Variants in LMX1B observed in about 807,000 individuals in gnomAD.
LMX1B encodes the protein LIM homeobox transcription factor 1-beta.
In LMX1B, 12 loss-of-function variants were observed where a neutral mutation model predicts 51.4. That is an observed-to-expected ratio of 0.23 (90% CI 0.15 to 0.38). LMX1B has a LOEUF of 0.38. Among genes scored for constraint, LMX1B ranks in the 10% least tolerant of loss-of-function variants. The pLI is 1.00. For missense variants in LMX1B, 445 were observed against 571.1 expected (o/e 0.78, Z 2.25); for synonymous variants, 237 against 235.4 (o/e 1.01, Z -0.06).
chr9:126,675,608 C>T (rs1256029434), intron 2 of LMX1B, among the ~76,000 whole-genome samples: 1 of 151,420 alleles, frequency 6.6e-6, no homozygotes, highest in Non-Finnish European at 1.5e-5. Flanking sequence ...GCCTGTAATC[C>T]CAGCTACTCA....
At chr9:126,686,050 C>CT (rs1836760653) in intron 2 of LMX1B, among the ~76,000 whole-genome samples, 1 of 152,130 alleles carries the variant, frequency 6.6e-6, no homozygotes, top group African/African-American at 2.4e-5. Context: ...CCCTGTGTGT[C>CT]TCTGCAGCTG....
At chr9:126,632,477 G>A (rs1008240582) in intron 2 of LMX1B, among the ~76,000 whole-genome samples, 6 of 152,206 alleles carry the variant, frequency 3.9e-5, no homozygotes, top group African/African-American at 1.2e-4. Flanking sequence ...GCCTGTGGCT[G>A]TGCTCGGGCG....
intron 2 of LMX1B, among the ~76,000 whole-genome samples, chr9:126,653,503 G>A (rs1836059118): frequency 6.6e-6 from 1 of 152,024 alleles, no homozygotes; most frequent in Non-Finnish European, 1.5e-5. Flanking sequence ...GATAATTGTA[G>A]ATTCATAGGC....
At chr9:126,663,263 C>G (rs1238250248) in intron 2 of LMX1B, among the ~76,000 whole-genome samples, 1 of 151,866 alleles carries the variant, frequency 6.6e-6, no homozygotes, top group Non-Finnish European at 1.5e-5. Context: ...CCCATCTCTA[C>G]TAAAAATACA....
At chr9:126,633,131 G>A (rs1312148320) in intron 2 of LMX1B, among the ~76,000 whole-genome samples, 3 of 152,166 alleles carry the variant, frequency 2.0e-5, no homozygotes, top group Non-Finnish European at 4.4e-5. Context: ...AAGAGTCACC[G>A]GTTTCATGGA....
At chr9:126,662,141 T>C (rs1425385750) in intron 2 of LMX1B, among the ~76,000 whole-genome samples, 3 of 152,194 alleles carry the variant, frequency 2.0e-5, no homozygotes, top group Non-Finnish European at 2.9e-5. Context: ...CTTTGCTGTT[T>C]GCCCGCTGTG....
At position 126,619,767 on chromosome 9, in the gene LMX1B, T is replaced by TC. The variant is rs547735826; in HGVS notation, c.326+4202dup. 1.9e-4 allele frequency among the ~76,000 whole-genome samples: 29 copies of TC among 152,226 alleles called. No individual in the cohort carries two copies. The South Asian group carries it at 5.8e-3, about 31-fold the overall frequency. The stretch of plus-strand genomic sequence containing the variant: ...CAGTGACTCCTGGCTCACCCTCGAC[T>TC]CCCCGGGCGCTGGGCTGGTGTGGCC... On this transcript the variant is annotated intron_variant, in intron 2 of 7. Transcript: ENST00000373474.
chr9:126,637,612 G>A (rs1250139182), intron 2 of LMX1B, among the ~76,000 whole-genome samples: 2 of 152,094 alleles, frequency 1.3e-5, no homozygotes, highest in Non-Finnish European at 2.9e-5. Flanking sequence ...GTGCACCTGT[G>A]TCACTGTGGG....
In LMX1B at chr9:126,695,761, A is replaced by G. The variant is rs1480859609; in HGVS notation, c.887-78A>G. 25 of 1,551,728 alleles carry G rather than the reference A, an allele frequency of 1.6e-5. No homozygotes were observed. The highest frequency in any genetic ancestry group is 2.1e-5 in the Non-Finnish European group (24 of 1,134,064). ...GGGGTGCCTGGGGAGTCCCAAGGAG[A>G]TCAGAAGGGGAGGCTGCTGGGGTGT... On this transcript the variant is annotated intron_variant, in intron 6 of 7. Coordinates refer to ENST00000373474, the MANE Select transcript of LMX1B (RefSeq NM_001174147.2). This position sits in a 1 kb window ranked among gnomAD's most constrained non-coding sequence, Gnocchi z 5.2.
At chr9:126,650,907 C>T (rs866128344) in intron 2 of LMX1B, among the ~76,000 whole-genome samples, 1 of 152,354 alleles carries the variant, frequency 6.6e-6, no homozygotes, top group Non-Finnish European at 1.5e-5. Context: ...TTTATGGCCC[C>T]TCCTCCCCGG....
intron 2 of LMX1B, among the ~76,000 whole-genome samples, chr9:126,674,516 G>A (rs925174152): frequency 6.6e-6 from 1 of 152,200 alleles, no homozygotes; most frequent in African/African-American, 2.4e-5. Context: ...AGAGCCTGGT[G>A]TGGGGAGATC....
chr9:126,689,025 C>T lies in LMX1B; in HGVS notation c.327-1811C>T, dbSNP rs916087758. Among the ~76,000 whole-genome samples, 14 of 152,324 alleles carry T rather than the reference C, an allele frequency of 9.2e-5. No individual in the cohort carries two copies. In the East Asian group the frequency reaches 2.7e-3, roughly 29 times the overall value. Reference sequence around the variant, plus strand: ...ACAGCCTTCAGGAAGGGCTTGACATCTCCATTTTACAGGAGTAAACTGAGG... The same window carrying T: ...ACAGCCTTCAGGAAGGGCTTGACATTTCCATTTTACAGGAGTAAACTGAGG... On this transcript the variant is annotated intron_variant, in intron 2 of 7. Coordinates refer to ENST00000373474, the MANE Select transcript of LMX1B (RefSeq NM_001174147.2).
chr9:126,667,580 G>C (rs544424204), intron 2 of LMX1B, among the ~76,000 whole-genome samples: 3 of 152,384 alleles, frequency 2.0e-5, no homozygotes, highest in African/African-American at 7.2e-5. Context: ...GAGAGGCTGG[G>C]AGCTTGAGGG....
Position 126,697,002 on chromosome 9 carries a change from C to A in LMX1B, c.*551C>A, listed in dbSNP as rs762152428. ...AGGGGAGGCACTGTCAGGAGGCGGG[C>A]TCGGAGCCTGAGCCTGGGCAGGCGC... On this transcript the variant is annotated 3_prime_UTR_variant, in exon 8 of 8. Transcript: ENST00000373474. 21 of 173,346 alleles carry A rather than the reference C, an allele frequency of 1.2e-4. No homozygotes were observed. The highest frequency in any genetic ancestry group is 2.2e-4 in the Non-Finnish European group (18 of 80,446). 10.7% of individuals were successfully genotyped at this position (173,346 alleles called of 1,614,324 possible).
intron 2 of LMX1B, among the ~76,000 whole-genome samples, chr9:126,629,273 C>T (rs1835590803): frequency 6.6e-6 from 1 of 152,148 alleles, no homozygotes. Context: ...CTGCTTGGGG[C>T]TTTCTGACGG....
At chr9:126,675,907 G>A (rs1836547997) in intron 2 of LMX1B, among the ~76,000 whole-genome samples, 2 of 149,924 alleles carry the variant, frequency 1.3e-5, no homozygotes, top group African/African-American at 4.9e-5. Context: ...AAATTAGCCG[G>A]GCGTGGTAGC....
At chr9:126,629,507 G>T (rs970581082) in intron 2 of LMX1B, among the ~76,000 whole-genome samples, 1 of 152,190 alleles carries the variant, frequency 6.6e-6, no homozygotes, top group Non-Finnish European at 1.5e-5. Context: ...TGGAACCCAG[G>T]CATTGTGTCA....
chr9:126,620,838 T>G (rs1468703926), intron 2 of LMX1B, among the ~76,000 whole-genome samples: 2 of 152,172 alleles, frequency 1.3e-5, no homozygotes, highest in Non-Finnish European at 1.5e-5. Context: ...TGAAGAACTG[T>G]TTGTACTTAC....
intron 2 of LMX1B, among the ~76,000 whole-genome samples, chr9:126,617,849 A>G (rs370312841): frequency 3.8e-5 from 5 of 133,014 alleles, no homozygotes; most frequent in South Asian, 2.3e-4. Flanking sequence ...CCCTCATTCT[A>G]TTTTTTCCAA....
Sources: gnomAD v4.1 joint callset for allele counts (sites outside exome capture counted in the v4.1 genomes callset) on GRCh38, gnomAD v4.1.1 for gene constraint, Gnocchi (gnomAD v3.1) non-coding constraint, MANE v1.5 for transcripts, NCBI Gene and HGNC (gene_info 2026-07-23, HGNC 2026-07-21) for gene names.